Variants in MTHFD1L observed in about 807,000 individuals in gnomAD.
MTHFD1L encodes the protein methylenetetrahydrofolate dehydrogenase (NADP+ dependent) 1 like.
In MTHFD1L, 81 loss-of-function variants were observed where a neutral mutation model predicts 119.5. That is an observed-to-expected ratio of 0.68 (90% CI 0.57 to 0.82). MTHFD1L has a LOEUF of 0.82. Among genes scored for constraint, MTHFD1L ranks in the 40% least tolerant of loss-of-function variants. MTHFD1L has a pLI of 0.00. For missense variants in MTHFD1L, 1,125 were observed against 1,253.4 expected, an observed-to-expected ratio of 0.90 and a Z score of 1.55; for synonymous variants, 430 against 475.2, an observed-to-expected ratio of 0.90 and a Z score of 1.24.
rs566410124 is a variant in MTHFD1L at position 150,871,957 on chromosome 6, A to C, written c.228-4133A>C. On this transcript the variant is annotated intron_variant, in intron 1 of 27. Coordinates refer to ENST00000367321, the MANE Select transcript of MTHFD1L (RefSeq NM_015440.5). The stretch of plus-strand genomic sequence containing the variant: ...CAGTGGCGCGATCTCTGCTCACTGC[A>C]ACCTCTGCCTCCCGGGTTCAATAAA... 1.2e-4 allele frequency among the ~76,000 whole-genome samples: 18 copies of C among 151,484 alleles called. No homozygotes were observed. The South Asian group carries it at 3.7e-3, about 32-fold the overall frequency.
chr6:150,937,019 T>TA, intron 12 of MTHFD1L, 79 bp downstream of exon 12: 1 of 1,531,818 alleles, frequency 6.5e-7, no homozygotes, highest in Admixed American at 1.7e-5. Flanking sequence ...TGTCAACAGA[T>TA]AAAGAGTTAA....
intron 26 of MTHFD1L, among the ~76,000 whole-genome samples, chr6:151,044,605 A>C (rs370795916): frequency 9.9e-5 from 15 of 152,062 alleles, no homozygotes; most frequent in African/African-American, 3.4e-4. Flanking sequence ...CCGGCCAACT[A>C]CATGCTTTTT....
In MTHFD1L at chr6:150,972,001, T is replaced by C; in HGVS notation, c.2068T>C (p.Ser690Pro). 1 of 1,614,152 alleles carries C rather than the reference T, an allele frequency of 6.2e-7. No individual in the cohort carries two copies. Among genetic ancestry groups the C allele is most frequent in the Non-Finnish European group, 8.5e-7 (1 of 1,180,020 alleles). Reference sequence around the variant, plus strand: ...TTTTGCTAACATTGCTCACGGCAACTCTTCAGTGTTGGCTGATAAAATTGC... The same window carrying C: ...TTTTGCTAACATTGCTCACGGCAACCCTTCAGTGTTGGCTGATAAAATTGC... ...GPFANIAHGN[S>P]SVLADKIALK... is the part of the protein sequence containing the mutation. Residue 690 changes from serine (S) to proline (P), a missense_variant, in exon 20 of 28, where the codon TCT (serine) becomes CCT (proline). Physicochemically the swap from Ser to Pro is moderately conservative, Grantham distance 74. Transcript: ENST00000367321.
chr6:151,042,249 A>G (rs1380809233), intron 26 of MTHFD1L, among the ~76,000 whole-genome samples: 1 of 152,146 alleles, frequency 6.6e-6, no homozygotes, highest in Admixed American at 6.5e-5. Flanking sequence ...CTTCATTCCT[A>G]GTAAGCTTCA....
chr6:150,995,007 A>G (rs1434065014), intron 20 of MTHFD1L, among the ~76,000 whole-genome samples: 1 of 152,214 alleles, frequency 6.6e-6, no homozygotes, highest in Non-Finnish European at 1.5e-5. Flanking sequence ...ATGTTTATAT[A>G]TCTTTCGTAT....
intron 26 of MTHFD1L, among the ~76,000 whole-genome samples, chr6:151,051,713 A>G (rs1440029972): frequency 1.3e-5 from 2 of 152,236 alleles, no homozygotes; most frequent in Non-Finnish European, 2.9e-5. Context: ...TAAAGCAAGT[A>G]CAATTAGTGC....
chr6:150,996,775 T>C (rs961324768), intron 20 of MTHFD1L, among the ~76,000 whole-genome samples: 9 of 151,546 alleles, frequency 5.9e-5, no homozygotes, highest in Non-Finnish European at 1.0e-4. Flanking sequence ...CATTCCAAGA[T>C]AGAGGTTTGC....
rs761637670 is a variant in MTHFD1L at position 150,877,824 on chromosome 6, G to A, written c.415G>A (p.Glu139Lys). Residue 139 changes from glutamate to lysine, a missense_variant and splice_region_variant, in exon 4 of 28, where the codon GAG (glutamate) becomes AAG (lysine). By Grantham distance (56) the Glu-to-Lys change is moderately conservative. Coordinates refer to ENST00000367321, the MANE Select transcript of MTHFD1L (RefSeq NM_015440.5). The stretch of plus-strand genomic sequence containing the variant: ...CCTCCCTCCAGATAGCAGTGAAGCC[G>A]AGGTAATAATGGCAGAGCTCTAAAC... ...ICLPPDSSEAEIIDEILKINE... is the reference protein window; with the variant it reads ...ICLPPDSSEAKIIDEILKINE... The A allele has an allele frequency of 2.5e-6, 4 of 1,614,098 alleles. No individual in the cohort carries two copies. Among genetic ancestry groups the A allele is most frequent in the African/African-American group, 1.3e-5 (1 of 74,938 alleles).
At chr6:151,033,294 A>C (rs1383606764) in intron 24 of MTHFD1L, among the ~76,000 whole-genome samples, 1 of 151,736 alleles carries the variant, frequency 6.6e-6, no homozygotes, top group Non-Finnish European at 1.5e-5. Context: ...TGATTTTTGT[A>C]CTTTTAGCAG....
chr6:150,874,129 C>G (rs533599133), intron 1 of MTHFD1L, among the ~76,000 whole-genome samples: 3 of 152,208 alleles, frequency 2.0e-5, no homozygotes, highest in Admixed American at 2.0e-4. Flanking sequence ...ATATGGGCCT[C>G]AGTCACCCAT....
At chr6:150,987,133 T>C (rs535299812) in intron 20 of MTHFD1L, among the ~76,000 whole-genome samples, 42 of 152,340 alleles carry the variant, frequency 2.8e-4, no homozygotes, top group African/African-American at 9.4e-4. Flanking sequence ...GCAAAAATAA[T>C]ATAGTATTGT....
intron 20 of MTHFD1L, among the ~76,000 whole-genome samples, chr6:151,004,447 C>A (rs535451203): frequency 6.6e-6 from 1 of 152,324 alleles, no homozygotes; most frequent in African/African-American, 2.4e-5. Context: ...TGAAGAATAT[C>A]ATGGATACTA....
At chr6:150,989,091 G>A (rs1028598561) in intron 20 of MTHFD1L, among the ~76,000 whole-genome samples, 1 of 152,210 alleles carries the variant, frequency 6.6e-6, no homozygotes, top group Non-Finnish European at 1.5e-5. Flanking sequence ...AGCTGTGAAT[G>A]TTGTCTTAAC....
intron 7 of MTHFD1L, among the ~76,000 whole-genome samples, chr6:150,903,167 T>A (rs1445119931): frequency 1.3e-5 from 2 of 151,412 alleles, no homozygotes; most frequent in Non-Finnish European, 2.9e-5. Flanking sequence ...CATAGGTGGC[T>A]TAAGGGACTA....
chr6:150,896,077 T>TGTGATTAAAAAATGGTAGAG (rs1322400881), intron 7 of MTHFD1L, among the ~76,000 whole-genome samples: 1 of 152,172 alleles, frequency 6.6e-6, no homozygotes, highest in Non-Finnish European at 1.5e-5. Context: ...GCAAAGATCA[T>TGTGATTAAAAAATGGTAGAG]GTGATTAAAA....
intron 11 of MTHFD1L, among the ~76,000 whole-genome samples, chr6:150,927,572 T>G (rs1790250570): frequency 6.6e-6 from 1 of 151,128 alleles, no homozygotes; most frequent in Non-Finnish European, 1.5e-5. Flanking sequence ...TTCTCCTGCC[T>G]CAGCCTCCCG....
intron 27 of MTHFD1L, among the ~76,000 whole-genome samples, chr6:151,094,957 T>A (rs1432506976): frequency 6.6e-6 from 1 of 152,234 alleles, no homozygotes; most frequent in African/African-American, 2.4e-5. Context: ...TGAGGCTTTG[T>A]TGCTAAAACA....
chr6:151,073,252 G>C lies in MTHFD1L; in HGVS notation c.2848-19215G>C, dbSNP rs6912618. 1.2e-4 allele frequency among the ~76,000 whole-genome samples: 19 copies of C among 152,132 alleles called. No individual in the cohort carries two copies. The East Asian group carries it at 3.7e-3, about 29-fold the overall frequency. On this transcript the variant is annotated intron_variant, in intron 26 of 27. Coordinates refer to ENST00000367321, the MANE Select transcript of MTHFD1L (RefSeq NM_015440.5). Reference sequence around the variant, plus strand: ...GAGTCCTCCTTGAGCATGCAAGTGCGTACTGATCAAAGTGTGGTTGTGAGA... The same window carrying C: ...GAGTCCTCCTTGAGCATGCAAGTGCCTACTGATCAAAGTGTGGTTGTGAGA...
chr6:150,995,059 G>T (rs1432840758), intron 20 of MTHFD1L, among the ~76,000 whole-genome samples: 1 of 152,000 alleles, frequency 6.6e-6, no homozygotes, highest in Non-Finnish European at 1.5e-5. Context: ...GTCAGGCTGA[G>T]GACATCTCAA....
Sources: gnomAD v4.1 joint callset for allele counts (sites outside exome capture counted in the v4.1 genomes callset) on GRCh38, gnomAD v4.1.1 for gene constraint, MANE v1.5 for transcripts, NCBI Gene and HGNC (gene_info 2026-07-23, HGNC 2026-07-21) for gene names.